The following KLHL29 variants were observed in gnomAD, a reference collection of about 807,000 sequenced individuals.
KLHL29 encodes the protein kelch like family member 29, also known as kelch-like protein 29.
KLHL29 carries 21 observed loss-of-function variants against 80.4 expected under a neutral mutation model. The ratio of observed to expected loss-of-function variants is 0.26; its 90% CI spans 0.19 to 0.38. KLHL29 has a LOEUF of 0.38. Ranked by LOEUF, KLHL29 falls within the 10% of genes least tolerant of loss-of-function variation. The pLI is 1.00. For synonymous variants in KLHL29, 511 were observed against 526.8 expected (o/e 0.97, Z 0.41); for missense variants, 867 against 1,223.9 (o/e 0.71, Z 4.35).
At chr2:23,668,785 C>T (rs972304762) in intron 5 of KLHL29, 2 of 151,390 alleles carry the variant, frequency 1.3e-5, no homozygotes. Flanking sequence ...CCCAGACCCT[C>T]AGAGGTGCAT....
At chr2:23,481,078 C>T (rs969036297) in intron 2 of KLHL29, among the ~76,000 whole-genome samples, 10 of 152,206 alleles carry the variant, frequency 6.6e-5, no homozygotes, top group Admixed American at 6.5e-4. Context: ...TATGACATCA[C>T]CCAGGGAGAT....
chr2:23,636,010 C>T (rs1669597992), intron 3 of KLHL29, among the ~76,000 whole-genome samples: 1 of 152,230 alleles, frequency 6.6e-6, no homozygotes, highest in African/African-American at 2.4e-5. Context: ...CCTGGGCTTG[C>T]AGACATTCTG....
chr2:23,397,892 A>G (rs1266802351), intron 1 of KLHL29, among the ~76,000 whole-genome samples: 3 of 152,250 alleles, frequency 2.0e-5, no homozygotes, highest in African/African-American at 7.2e-5. Flanking sequence ...GGGAAATGGA[A>G]GTCAAAACCA....
intron 2 of KLHL29, among the ~76,000 whole-genome samples, chr2:23,545,386 C>T (rs1030577217): frequency 7.9e-5 from 12 of 152,244 alleles, no homozygotes; most frequent in African/African-American, 2.2e-4. Flanking sequence ...CTATGACACA[C>T]GCAGTTTAAG....
At chr2:23,461,416 CA>C (rs1300833892) in intron 1 of KLHL29, among the ~76,000 whole-genome samples, 1 of 152,196 alleles carries the variant, frequency 6.6e-6, no homozygotes, top group African/African-American at 2.4e-5. Context: ...AACACTTTTG[CA>C]GCTGCTCTAA....
At chr2:23,627,924 T>TTTTTTTTTTG (rs1558414555) in intron 3 of KLHL29, among the ~76,000 whole-genome samples, 1 of 149,934 alleles carries the variant, frequency 6.7e-6, no homozygotes, top group African/African-American at 2.5e-5. Flanking sequence ...TTTTTTTTTT[T>TTTTTTTTTTG]GAGATGGAGT....
At chr2:23,558,452 C>T (rs756787164) in intron 2 of KLHL29, among the ~76,000 whole-genome samples, 1 of 144,174 alleles carries the variant, frequency 6.9e-6, no homozygotes, top group Non-Finnish European at 1.5e-5. Context: ...CCCAGGCTGG[C>T]GTGCAGTGGC....
intron 2 of KLHL29, among the ~76,000 whole-genome samples, chr2:23,516,141 C>T (rs964166437): frequency 4.6e-5 from 7 of 152,232 alleles, no homozygotes; most frequent in African/African-American, 1.4e-4. Context: ...AACTATGGAT[C>T]CCTTCTGCCC....
chr2:23,687,909 C>T (rs17045808), intron 6 of KLHL29, among the ~76,000 whole-genome samples: 4,556 of 151,748 alleles, frequency 0.03, 86 homozygotes, highest in South Asian at 0.086. Context: ...AGATGACAGT[C>T]AGACCATGAG....
At chr2:23,402,981 CATAT>C (rs1225691308) in intron 1 of KLHL29, among the ~76,000 whole-genome samples, 1 of 150,056 alleles carries the variant, frequency 6.7e-6, no homozygotes, top group East Asian at 1.9e-4. Context: ...TGTATATATA[CATAT>C]AGTTTTCACT....
intron 2 of KLHL29, among the ~76,000 whole-genome samples, chr2:23,542,154 G>A (rs1229536737): frequency 6.6e-6 from 1 of 152,162 alleles, no homozygotes; most frequent in East Asian, 1.9e-4. Context: ...TTGATCTCTT[G>A]TCTAAAATAG....
At chr2:23,597,343 G>A (rs1421558672) in intron 3 of KLHL29, among the ~76,000 whole-genome samples, 3 of 134,414 alleles carry the variant, frequency 2.2e-5, no homozygotes, top group Non-Finnish European at 4.6e-5. Flanking sequence ...GTGTGTGTGT[G>A]TGTATGTATA....
chr2:23,431,029 C>G (rs1663161292), intron 1 of KLHL29, among the ~76,000 whole-genome samples: 2 of 152,224 alleles, frequency 1.3e-5, no homozygotes, highest in Non-Finnish European at 2.9e-5. Flanking sequence ...ACAACAGATA[C>G]TCCTTTCTCC....
At chr2:23,685,258 ATTAT>A (rs1300823944) in intron 6 of KLHL29, 1 of 144,956 alleles carries the variant, frequency 6.9e-6, no homozygotes, top group Non-Finnish European at 1.5e-5. Flanking sequence ...TTTTTCCTCC[ATTAT>A]GTTGATTTTT....
Position 23,693,306 on chromosome 2 carries a change from G to A in KLHL29, c.1320G>A (p.Leu440=). 1.9e-6 allele frequency: 3 copies of A among 1,548,370 alleles called. No individual in the cohort carries two copies. The South Asian group carries it at 3.6e-5, about 18-fold the overall frequency. ...QLTASNCLGV[L]AMAEAMQCSE... The stretch of plus-strand genomic sequence containing the variant: ...CGGCCAGCAACTGCCTGGGCGTGCT[G>A]GCCATGGCCGAGGCCATGCAGTGCA... The change falls in exon 8 of 14, where the codon CTG becomes CTA. Residue 440 remains leucine (L), a synonymous_variant. Transcript: ENST00000486442.
At chr2:23,698,857 TC>T (rs1558448752) in intron 11 of KLHL29, among the ~76,000 whole-genome samples, 1 of 152,168 alleles carries the variant, frequency 6.6e-6, no homozygotes, top group Non-Finnish European at 1.5e-5. Context: ...AATAACAAGC[TC>T]TCAGGAAATT....
intron 2 of KLHL29, among the ~76,000 whole-genome samples, chr2:23,528,041 AAG>A (rs1281336058): frequency 2.0e-5 from 3 of 152,206 alleles, no homozygotes; most frequent in Non-Finnish European, 4.4e-5. Flanking sequence ...CTTTTGGGAA[AAG>A]AAAAACCTGG....
At chr2:23,428,109 T>C (rs1663055419) in intron 1 of KLHL29, among the ~76,000 whole-genome samples, 1 of 152,178 alleles carries the variant, frequency 6.6e-6, no homozygotes. Context: ...TGCTAACGGA[T>C]TAATGACAGA....
chr2:23,483,791 C>A (rs1572349343), intron 2 of KLHL29, among the ~76,000 whole-genome samples: 1 of 152,164 alleles, frequency 6.6e-6, no homozygotes, highest in East Asian at 1.9e-4. Flanking sequence ...GTCACACAGC[C>A]CATCAGGCAG....
Sources: allele counts gnomAD v4.1 joint callset (sites outside exome capture counted in the v4.1 genomes callset), GRCh38; gene constraint gnomAD v4.1.1; transcripts MANE v1.5; gene names NCBI Gene and HGNC (gene_info 2026-07-23, HGNC 2026-07-21).